Variants in LRRTM4 observed in about 807,000 individuals in gnomAD.
LRRTM4 encodes the protein leucine rich repeat transmembrane neuronal 4, also known as leucine-rich repeat transmembrane neuronal protein 4.
LRRTM4 carries 25 observed loss-of-function variants against 47.6 expected under a neutral mutation model. The observed-to-expected ratio is 0.53, with a 90% CI of 0.38 to 0.73. LRRTM4 has a LOEUF of 0.73. LRRTM4 is among the 30% of genes least tolerant of loss of function. LRRTM4 has a pLI of 0.00. For missense variants in LRRTM4, 638 were observed against 713.4 expected (o/e 0.89, Z 1.20); for synonymous variants, 311 against 269.5 (o/e 1.15, Z -1.51).
intron 3 of LRRTM4, among the ~76,000 whole-genome samples, chr2:76,803,417 A>C (rs1409231738): frequency 6.6e-6 from 1 of 152,142 alleles, no homozygotes; most frequent in Non-Finnish European, 1.5e-5. Context: ...ACACCTGGTA[A>C]AATGGCTATT....
At chr2:76,860,988 T>A (rs886303878) in intron 3 of LRRTM4, among the ~76,000 whole-genome samples, 2 of 152,112 alleles carry the variant, frequency 1.3e-5, no homozygotes, top group African/African-American at 4.8e-5. Context: ...TCAAGGCAGT[T>A]GACTAAGACA....
intron 3 of LRRTM4, among the ~76,000 whole-genome samples, chr2:77,126,095 T>A (rs910052724): frequency 6.6e-6 from 1 of 151,878 alleles, no homozygotes; most frequent in Non-Finnish European, 1.5e-5. Context: ...AAATAACTGT[T>A]ACAGTCTCAA....
At position 77,429,131 on chromosome 2, in the gene LRRTM4, T is replaced by A. The variant is rs1191992395; in HGVS notation, c.1551+89187A>T. ...GAATGCTGAATGAGTGGGAGTAAAGTGCAGGAAGAACTCACGGAGCTGTGT... is the reference window on the plus strand; with the variant it reads ...GAATGCTGAATGAGTGGGAGTAAAGAGCAGGAAGAACTCACGGAGCTGTGT... On this transcript the variant is annotated intron_variant, in intron 3 of 3. Transcript: ENST00000409884. 3.3e-5 allele frequency among the ~76,000 whole-genome samples: 5 copies of A among 152,254 alleles called. No individual in the cohort carries two copies. In the South Asian group the frequency reaches 6.2e-4, roughly 19 times the overall value.
chr2:76,893,081 A>G (rs1220659231), intron 3 of LRRTM4, among the ~76,000 whole-genome samples: 1 of 151,740 alleles, frequency 6.6e-6, no homozygotes, highest in East Asian at 1.9e-4. Context: ...TCAATATACA[A>G]AAGTTAAAGG....
chr2:76,898,374 C>A (rs894013071), intron 3 of LRRTM4, among the ~76,000 whole-genome samples: 2 of 151,546 alleles, frequency 1.3e-5, no homozygotes, highest in Non-Finnish European at 2.9e-5. Flanking sequence ...GAAATGATTT[C>A]TTTGCTTCAA....
intron 3 of LRRTM4, among the ~76,000 whole-genome samples, chr2:76,970,571 T>TA (rs1676184997): frequency 6.6e-6 from 1 of 152,046 alleles, no homozygotes; most frequent in Non-Finnish European, 1.5e-5. Context: ...AACTGTTGCT[T>TA]TTACCATAAT....
intron 3 of LRRTM4, among the ~76,000 whole-genome samples, chr2:77,477,780 G>A (rs557496459): frequency 3.0e-4 from 44 of 148,400 alleles, no homozygotes; most frequent in Admixed American, 6.8e-4. Flanking sequence ...TAGAGGTTGC[G>A]GTGAGCCCAG....
intron 3 of LRRTM4, among the ~76,000 whole-genome samples, chr2:77,085,384 T>C (rs1004998109): frequency 6.6e-6 from 1 of 151,744 alleles, no homozygotes; most frequent in South Asian, 2.1e-4. Flanking sequence ...CTCACTTTTT[T>C]TTTTTTTTGC....
At chr2:77,096,283 A>G (rs1350289502) in intron 3 of LRRTM4, among the ~76,000 whole-genome samples, 1 of 151,858 alleles carries the variant, frequency 6.6e-6, no homozygotes, top group African/African-American at 2.4e-5. Flanking sequence ...AAAATTTTGG[A>G]AAAAACTGTC....
intron 3 of LRRTM4, among the ~76,000 whole-genome samples, chr2:77,032,680 C>A (rs1240789340): frequency 2.0e-5 from 3 of 152,046 alleles, no homozygotes; most frequent in Non-Finnish European, 4.4e-5. Context: ...TAGTCATAGA[C>A]CCCAGTGTTA....
At chr2:77,199,726 C>T (rs1395166177) in intron 3 of LRRTM4, among the ~76,000 whole-genome samples, 3 of 152,028 alleles carry the variant, frequency 2.0e-5, no homozygotes, top group Non-Finnish European at 4.4e-5. Flanking sequence ...CATGTTAGTA[C>T]ACTTAAAAGA....
intron 3 of LRRTM4, among the ~76,000 whole-genome samples, chr2:76,955,720 G>A (rs192492129): frequency 7.4e-4 from 112 of 151,810 alleles, no homozygotes; most frequent in African/African-American, 2.6e-3. Context: ...AGAAGATGCA[G>A]GATCTCACCT....
chr2:77,280,952 TGTA>T, intron 3 of LRRTM4, among the ~76,000 whole-genome samples: 1 of 152,098 alleles, frequency 6.6e-6, no homozygotes, highest in South Asian at 2.1e-4. Flanking sequence ...ATCCCCTGTC[TGTA>T]GTGTCTCTAA....
At chr2:77,026,078 G>A (rs1678442711) in intron 3 of LRRTM4, among the ~76,000 whole-genome samples, 1 of 152,074 alleles carries the variant, frequency 6.6e-6, no homozygotes, top group African/African-American at 2.4e-5. Flanking sequence ...AAAACAAAAT[G>A]TTATTTTCTT....
At chr2:77,520,907 A>AG (rs572403806) in intron 2 of LRRTM4, among the ~76,000 whole-genome samples, 4,134 of 150,762 alleles carry the variant, frequency 0.027, 174 homozygotes, top group African/African-American at 0.097. Context: ...CTTAATGGAG[A>AG]GAAAAAAAAA....
intron 3 of LRRTM4, among the ~76,000 whole-genome samples, chr2:77,411,088 T>C (rs2103858957): frequency 6.6e-6 from 1 of 152,236 alleles, no homozygotes; most frequent in East Asian, 1.9e-4. Context: ...ATGCTACAAA[T>C]AAAATGTAGA....
rs368260704 is a variant in LRRTM4, at chr2:77,099,144, A to G, written c.1552-350228T>C. 1.1e-3 allele frequency among the ~76,000 whole-genome samples: 161 copies of G among 152,108 alleles called. 2 individuals are homozygous for G. The highest frequency in any genetic ancestry group is 3.4e-3 in the Middle Eastern group (1 of 290). ...AAATTTTGCTCAAGGAGATTGATAC[A>G]AGAATGTTCACAACGGTATGAATTC... On this transcript the variant is annotated intron_variant, in intron 3 of 3. Coordinates refer to ENST00000409884, the MANE Select transcript of LRRTM4 (RefSeq NM_001134745.3).
intron 3 of LRRTM4, among the ~76,000 whole-genome samples, chr2:76,816,819 GTTTTTTTTTTTTT>G (rs201525166): frequency 2.6e-4 from 25 of 96,486 alleles, no homozygotes; most frequent in African/African-American, 7.0e-4. Context: ...GAGGTAAAGA[GTTTTTTTTTTTTT>G]TTTTTTTTTT....
chr2:77,085,922 A>T (rs1680694936), intron 3 of LRRTM4, among the ~76,000 whole-genome samples: 1 of 152,176 alleles, frequency 6.6e-6, no homozygotes, highest in Non-Finnish European at 1.5e-5. Flanking sequence ...GTGGGTAATG[A>T]GGAGCCAAAA....
Sources: gnomAD v4.1 joint callset for allele counts (sites outside exome capture counted in the v4.1 genomes callset) on GRCh38, gnomAD v4.1.1 for gene constraint, MANE v1.5 for transcripts, NCBI Gene and HGNC (gene_info 2026-07-23, HGNC 2026-07-21) for gene names.